Variants in BTBD9 observed in about 807,000 individuals in gnomAD.
BTBD9 encodes the protein BTB/POZ domain-containing protein 9.
BTBD9 carries 49 observed loss-of-function variants against 64.3 expected under a neutral mutation model. That is an observed-to-expected ratio of 0.76 (90% CI 0.61 to 0.97). The LOEUF is 0.97. BTBD9 is among the 50% of genes least tolerant of loss of function. The probability of loss-of-function intolerance (pLI) is 0.00; values close to 1 mark genes in which losing one functional copy is unlikely to be tolerated. For missense variants in BTBD9, 598 were observed against 762.1 expected (o/e 0.78, Z 2.53); for synonymous variants, 260 against 274.7 (o/e 0.95, Z 0.53).
At chr6:38,637,658 C>A (rs972287857) in intron 1 of BTBD9, among the ~76,000 whole-genome samples, 5 of 152,118 alleles carry the variant, frequency 3.3e-5, no homozygotes, top group Admixed American at 2.6e-4. Context: ...CAGTAAATTT[C>A]CAATACAATG....
At chr6:38,238,651 T>A (rs1299684067) in intron 9 of BTBD9, among the ~76,000 whole-genome samples, 1 of 152,010 alleles carries the variant, frequency 6.6e-6, no homozygotes, top group African/African-American at 2.4e-5. Context: ...TTTTTTGTAT[T>A]TTTAGTAGAG....
intron 6 of BTBD9, among the ~76,000 whole-genome samples, chr6:38,381,467 G>C (rs1012219661): frequency 2.0e-5 from 3 of 152,094 alleles, no homozygotes; most frequent in African/African-American, 7.2e-5. Flanking sequence ...TAAGCAAAAA[G>C]TAGCAAACTG....
At chr6:38,412,701 A>C (rs1292204592) in intron 6 of BTBD9, among the ~76,000 whole-genome samples, 1 of 152,132 alleles carries the variant, frequency 6.6e-6, no homozygotes, top group East Asian at 1.9e-4. Context: ...TCTACTAAAA[A>C]TACAAAAATT....
intron 6 of BTBD9, among the ~76,000 whole-genome samples, chr6:38,356,711 T>C (rs1464012003): frequency 1.3e-5 from 2 of 152,194 alleles, no homozygotes; most frequent in Non-Finnish European, 2.9e-5. Context: ...TCTAAGAATA[T>C]AGTGAGGCTC....
chr6:38,564,433 G>A (rs933293863), intron 6 of BTBD9, among the ~76,000 whole-genome samples: 1 of 152,140 alleles, frequency 6.6e-6, no homozygotes, highest in Non-Finnish European at 1.5e-5. Context: ...AAAATTCTCT[G>A]GAAGAAGTGG....
At chr6:38,239,405 A>AT (rs1240850146) in intron 9 of BTBD9, among the ~76,000 whole-genome samples, 1 of 146,072 alleles carries the variant, frequency 6.8e-6, no homozygotes, top group Non-Finnish European at 1.5e-5. Flanking sequence ...GTGCCACTGC[A>AT]TTGTAGCCTG....
chr6:38,475,189 G>A (rs1337182322), intron 6 of BTBD9, among the ~76,000 whole-genome samples: 3 of 152,010 alleles, frequency 2.0e-5, no homozygotes, highest in African/African-American at 7.2e-5. Context: ...CCAAAAAGAA[G>A]TAAAATGAAG....
chr6:38,579,568 G>T (rs1360670507), intron 5 of BTBD9, among the ~76,000 whole-genome samples: 12 of 152,092 alleles, frequency 7.9e-5, no homozygotes, highest in Non-Finnish European at 4.4e-5. Flanking sequence ...TCCCAAACTG[G>T]AGTTCATTAA....
At chr6:38,283,489 A>G (rs1158776571) in intron 8 of BTBD9, among the ~76,000 whole-genome samples, 1 of 151,992 alleles carries the variant, frequency 6.6e-6, no homozygotes, top group Non-Finnish European at 1.5e-5. Context: ...CTCTACAAAA[A>G]ATTTTATAAA....
chr6:38,489,004 T>C (rs979479757), intron 6 of BTBD9, among the ~76,000 whole-genome samples: 2 of 151,606 alleles, frequency 1.3e-5, no homozygotes, highest in Non-Finnish European at 2.9e-5. Flanking sequence ...CACGGGATCC[T>C]CCTGCTTCAG....
intron 10 of BTBD9, among the ~76,000 whole-genome samples, chr6:38,190,244 T>A (rs1003304495): frequency 6.6e-6 from 1 of 151,778 alleles, no homozygotes; most frequent in Non-Finnish European, 1.5e-5. Flanking sequence ...GGCAGGTGGA[T>A]CACCTGAGGT....
chr6:38,452,994 T>G (rs116226886), intron 6 of BTBD9, among the ~76,000 whole-genome samples: 1 of 152,260 alleles, frequency 6.6e-6, no homozygotes, highest in African/African-American at 2.4e-5. Flanking sequence ...TTGTAAGAAG[T>G]GCAATGCCTG....
rs901640566 is a variant in BTBD9 at position 38,171,197 on chromosome 6, A to G, written c.*3788T>C. Reference sequence around the variant, plus strand: ...TGATTACAATTTTGTTATCTTCTAAATTAAAAAGAAGGTGAAGTTGACTGG... The same window carrying G: ...TGATTACAATTTTGTTATCTTCTAAGTTAAAAAGAAGGTGAAGTTGACTGG... On this transcript the variant is annotated 3_prime_UTR_variant, in exon 11 of 11. Coordinates refer to ENST00000481247, the MANE Select transcript of BTBD9 (RefSeq NM_001099272.2). 1 of 152,214 alleles carries G rather than the reference A, an allele frequency of 6.6e-6. No homozygotes were observed. The highest frequency in any genetic ancestry group is 1.5e-5 in the Non-Finnish European group (1 of 68,040). 9.4% of individuals were successfully genotyped at this position (152,214 alleles called of 1,614,324 possible).
intron 4 of BTBD9, among the ~76,000 whole-genome samples, chr6:38,580,727 C>T (rs1776247375): frequency 6.6e-6 from 1 of 151,470 alleles, no homozygotes; most frequent in African/African-American, 2.4e-5. Flanking sequence ...AAGACCCTGT[C>T]CCTATTAAAA....
At chr6:38,442,661 C>CTTTTTTTTTTTTTTTTTTTTTTTTTTTTT in intron 6 of BTBD9, among the ~76,000 whole-genome samples, 1 of 57,538 alleles carries the variant, frequency 1.7e-5, no homozygotes, top group Non-Finnish European at 3.0e-5. Context: ...CATTTGTACT[C>CTTTTTTTTTTTTTTTTTTTTTTTTTTTTT]TTTTTTTTTT....
intron 6 of BTBD9, among the ~76,000 whole-genome samples, chr6:38,440,133 G>T (rs1768958682): frequency 1.3e-5 from 2 of 152,164 alleles, no homozygotes; most frequent in Admixed American, 1.3e-4. Context: ...ATATAGATTT[G>T]GGAGTGTTCA....
chr6:38,435,642 C>CTCCT (rs1275550758), intron 6 of BTBD9, among the ~76,000 whole-genome samples: 7 of 111,134 alleles, frequency 6.3e-5, no homozygotes, highest in Admixed American at 9.4e-5. Flanking sequence ...TCCTCCCTCC[C>CTCCT]TCCTTCCTTC....
At chr6:38,634,840 AAATAAG>A (rs529338710) in intron 1 of BTBD9, among the ~76,000 whole-genome samples, 1 of 152,220 alleles carries the variant, frequency 6.6e-6, no homozygotes, top group Non-Finnish European at 1.5e-5. Context: ...GAGAAAACAA[AAATAAG>A]AATGAGATAA....
At chr6:38,203,006 G>A (rs1424950600) in intron 9 of BTBD9, among the ~76,000 whole-genome samples, 1 of 151,958 alleles carries the variant, frequency 6.6e-6, no homozygotes, top group East Asian at 1.9e-4. Flanking sequence ...TTAAAAAATG[G>A]GCAAAGGACA....
Sources: allele counts gnomAD v4.1 joint callset (sites outside exome capture counted in the v4.1 genomes callset), GRCh38; gene constraint gnomAD v4.1.1; transcripts MANE v1.5; gene names NCBI Gene and HGNC (gene_info 2026-07-23, HGNC 2026-07-21).